The following TMOD2 variants were observed in gnomAD, a reference collection of about 807,000 sequenced individuals.
TMOD2 encodes the protein tropomodulin-2.
In TMOD2, 22 loss-of-function variants were observed where a neutral mutation model predicts 39.9. That is an observed-to-expected ratio of 0.55 (90% confidence interval 0.39 to 0.79). The LOEUF is 0.79. TMOD2 is among the 30% of genes least tolerant of loss of function. The pLI, the probability that TMOD2 is intolerant of heterozygous loss-of-function variation, is 0.00. For synonymous variants in TMOD2, 123 were observed against 146.1 expected, an observed-to-expected ratio of 0.84 and a Z score of 1.14; for missense variants, 386 against 413.3, an observed-to-expected ratio of 0.93 and a Z score of 0.57.
At chr15:51,767,630 C>T (rs867116729) in intron 2 of TMOD2, among the ~76,000 whole-genome samples, 3 of 117,466 alleles carry the variant, frequency 2.6e-5, no homozygotes, top group Admixed American at 1.7e-4. Context: ...AAGTCAATTA[C>T]GGTTAAAAAA....
chr15:51,785,411 C>CAA (rs57631565), intron 7 of TMOD2, among the ~76,000 whole-genome samples: 114 of 70,364 alleles, frequency 1.6e-3, no homozygotes, highest in African/African-American at 3.3e-3. Flanking sequence ...GACTCTGTCT[C>CAA]AAAAAAAAAA....
chr15:51,777,566 T>G (rs963510139), intron 5 of TMOD2, among the ~76,000 whole-genome samples: 1 of 152,182 alleles, frequency 6.6e-6, no homozygotes, highest in Non-Finnish European at 1.5e-5. Context: ...ACGTTTCCTA[T>G]AGACGTGTAC....
chr15:51,782,427 G>A (rs574241548), intron 6 of TMOD2, among the ~76,000 whole-genome samples: 10 of 152,318 alleles, frequency 6.6e-5, no homozygotes, highest in African/African-American at 2.4e-4. Flanking sequence ...CTAGAATACA[G>A]AGTGAAAAAT....
chr15:51,806,933 A>G (rs559137777), intron 9 of TMOD2, among the ~76,000 whole-genome samples: 1 of 152,338 alleles, frequency 6.6e-6, no homozygotes, highest in East Asian at 1.9e-4. Context: ...ATACTTTGGC[A>G]CTTTACATGT....
chr15:51,766,471 G>T lies in TMOD2; in HGVS notation c.30G>T (p.Glu10Asp), dbSNP rs1224727721. Residue 10 changes from glutamate to aspartate, a missense_variant, in exon 2 of 10, where the codon GAG becomes GAT. Coordinates refer to ENST00000249700, the MANE Select transcript of TMOD2 (RefSeq NM_014548.4). MALPFQKEL[E>D]KYKNIDEDEL... Reference sequence around the variant, plus strand: ...CACTCCCCTTTCAAAAAGAGCTGGAGAAATACAAGAACATTGATGAAGATG... The same window carrying T: ...CACTCCCCTTTCAAAAAGAGCTGGATAAATACAAGAACATTGATGAAGATG... 1.2e-6 allele frequency: 2 copies of T among 1,614,052 alleles called. No homozygotes were observed. Among genetic ancestry groups the T allele is most frequent in the East Asian group, 4.5e-5 (2 of 44,858 alleles).
chr15:51,782,701 C>T lies in TMOD2; in HGVS notation c.625-20C>T, dbSNP rs1244083482. 41 of 1,591,530 alleles carry T rather than the reference C, an allele frequency of 2.6e-5. No individual in the cohort carries two copies. The highest frequency in any genetic ancestry group is 3.4e-5 in the Non-Finnish European group (40 of 1,160,100). On this transcript the variant is annotated intron_variant, in intron 6 of 9. Transcript: ENST00000249700. ...TGCCATACAATGGTTCATCAACTAG[C>T]CATGTCCTCTCTGTCTTAGAACATT...
chr15:51,808,457 T>G lies in TMOD2; in HGVS notation c.*3T>G, dbSNP rs1006938590. The G allele has an allele frequency of 2.5e-6, 4 of 1,612,014 alleles. No individual in the cohort carries two copies. In the African/African-American group the frequency reaches 5.3e-5, roughly 22 times the overall value. On this transcript the variant is annotated 3_prime_UTR_variant, in exon 10 of 10. Transcript: ENST00000249700. ...GAGTTGAAGCAGACCGAAGGTAAAC[T>G]TCCTTGAGGAGAAGTGAAGTTTCAC...
intron 3 of TMOD2, 128 bp downstream of exon 3, chr15:51,768,546 C>G (rs2055832839): frequency 1.0e-6 from 1 of 981,326 alleles, no homozygotes; most frequent in Non-Finnish European, 1.5e-6. Flanking sequence ...AGGGAACTGT[C>G]CCAGACATGG....
intron 1 of TMOD2, among the ~76,000 whole-genome samples, chr15:51,756,004 C>T (rs1417117498): frequency 6.6e-6 from 1 of 152,058 alleles, no homozygotes; most frequent in Non-Finnish European, 1.5e-5. Context: ...GCAGTTAAAA[C>T]CCAGAAAGGC....
At position 51,795,482 on chromosome 15, in the gene TMOD2, C is replaced by T. The variant is rs902256103; in HGVS notation, c.733-2715C>T. 6.4e-4 allele frequency among the ~76,000 whole-genome samples: 96 copies of T among 150,524 alleles called. 1 individual carries two copies. The highest frequency in any genetic ancestry group is 8.9e-5 in the Non-Finnish European group (6 of 67,702). ...CATTCTGCTGAGTGTCTAGTTATTT[C>T]CTTCAGATAAAGATCCGTAACTTTC... On this transcript the variant is annotated intron_variant, in intron 7 of 9. Coordinates refer to ENST00000249700, the MANE Select transcript of TMOD2 (RefSeq NM_014548.4).
intron 1 of TMOD2, among the ~76,000 whole-genome samples, chr15:51,761,141 T>G (rs1008160294): frequency 6.6e-6 from 1 of 152,164 alleles, no homozygotes; most frequent in Non-Finnish European, 1.5e-5. Context: ...CCAATTATAG[T>G]GTTCTGGGTA....
At chr15:51,785,962 A>G (rs185030189) in intron 7 of TMOD2, among the ~76,000 whole-genome samples, 1 of 152,196 alleles carries the variant, frequency 6.6e-6, no homozygotes, top group African/African-American at 2.4e-5. Context: ...TTAACATTTA[A>G]TTTAAACATT....
intron 5 of TMOD2, among the ~76,000 whole-genome samples, chr15:51,777,674 G>T (rs924812042): frequency 3.3e-5 from 5 of 152,130 alleles, no homozygotes; most frequent in Non-Finnish European, 7.4e-5. Context: ...AGATGAAAAT[G>T]GTCCCTGCCC....
At chr15:51,787,612 C>T (rs2055979913) in intron 7 of TMOD2, among the ~76,000 whole-genome samples, 2 of 152,236 alleles carry the variant, frequency 1.3e-5, no homozygotes, top group Non-Finnish European at 2.9e-5. Context: ...GGCCGACAGA[C>T]ACCTCATACA....
chr15:51,751,902 G>T (rs1432501985), intron 1 of TMOD2, among the ~76,000 whole-genome samples, 190 bp downstream of exon 1: 1 of 149,578 alleles, frequency 6.7e-6, no homozygotes, highest in East Asian at 2.0e-4. Context: ...GGTCGGCTGC[G>T]CCGGGAGACC....
intron 1 of TMOD2, among the ~76,000 whole-genome samples, chr15:51,761,803 A>G (rs1444385107): frequency 1.3e-5 from 2 of 151,988 alleles, no homozygotes; most frequent in Admixed American, 6.6e-5. Flanking sequence ...TATTTTATGT[A>G]TCACTAAGAA....
chr15:51,805,443 C>T (rs888458488), intron 8 of TMOD2, among the ~76,000 whole-genome samples: 20 of 152,138 alleles, frequency 1.3e-4, no homozygotes, highest in Non-Finnish European at 1.6e-4. Flanking sequence ...CACAATAAAG[C>T]TGCTCAGAAT....
intron 7 of TMOD2, among the ~76,000 whole-genome samples, chr15:51,788,796 C>G (rs2055988941): frequency 1.3e-5 from 2 of 152,196 alleles, no homozygotes; most frequent in African/African-American, 4.8e-5. Context: ...CCTTTACAGA[C>G]AAGCAAATGC....
Position 51,812,464 on chromosome 15 carries a change from AAC to A in TMOD2, c.*4014_*4015del, listed in dbSNP as rs1210580467. The A allele has an allele frequency of 2.0e-5, 3 of 152,238 alleles. No individual in the cohort carries two copies. The highest frequency in any genetic ancestry group is 4.8e-5 in the African/African-American group (2 of 41,468). The allele number at this position is 152,238 out of a possible 1,614,324, so 9.4% of individuals were successfully genotyped here. Reference sequence around the variant, plus strand: ...GTAAGATAGCCCTTTGGAATTTACAAACACATGTGCAGCTATTTCCTTCTTCA... The same window carrying A: ...GTAAGATAGCCCTTTGGAATTTACAAACATGTGCAGCTATTTCCTTCTTCA... On this transcript the variant is annotated 3_prime_UTR_variant, in exon 10 of 10. Transcript: ENST00000249700.
Sources: allele counts gnomAD v4.1 joint callset (sites outside exome capture counted in the v4.1 genomes callset), GRCh38; gene constraint gnomAD v4.1.1; transcripts MANE v1.5; gene names NCBI Gene and HGNC (gene_info 2026-07-23, HGNC 2026-07-21).